Variants in KBTBD11 observed in about 807,000 individuals in gnomAD.
The protein encoded by KBTBD11 is kelch repeat and BTB domain containing 11.
For synonymous variants in KBTBD11, 747 were observed against 499.0 expected, an observed-to-expected ratio of 1.50 and a Z score of -6.63; for missense variants, 1,390 against 1,001.8, an observed-to-expected ratio of 1.39 and a Z score of -5.23.
At position 2,002,245 on chromosome 8, in the gene KBTBD11, C is replaced by A. The variant is rs986510300; in HGVS notation, c.1053C>A (p.Gly351=). ...TRLPEGAPAR[G]CGLCVLYNYL... ...TGCCCGAGGGCGCGCCGGCGCGGGG[C>A]TGCGGCCTGTGCGTCCTCTACAACT... The change falls in exon 2 of 2, where the codon GGC becomes GGA. Residue 351 remains glycine, a synonymous_variant. Coordinates refer to ENST00000320248, the MANE Select transcript of KBTBD11 (RefSeq NM_014867.3). This position sits in a 1 kb window ranked among gnomAD's most constrained non-coding sequence, Gnocchi z 4.1. The A allele has an allele frequency of 1.5e-6, 2 of 1,290,746 alleles. No individual in the cohort carries two copies. Among genetic ancestry groups the A allele is most frequent in the African/African-American group, 1.6e-5 (1 of 63,598 alleles). The allele number at this position is 1,290,746 out of a possible 1,614,324, so 80.0% of individuals were successfully genotyped here. A position where few individuals can be genotyped will look rare whatever the true frequency, so the allele number is the denominator to read the frequency against.
At chr8:1,984,245 C>T (rs1330985930) in intron 1 of KBTBD11, among the ~76,000 whole-genome samples, 1 of 149,306 alleles carries the variant, frequency 6.7e-6, no homozygotes, top group East Asian at 2.0e-4. Flanking sequence ...CGGGACCAGC[C>T]TGGGCAACAT....
intron 1 of KBTBD11, among the ~76,000 whole-genome samples, chr8:1,996,308 C>G (rs1216616236): frequency 6.6e-6 from 1 of 152,136 alleles, no homozygotes; most frequent in African/African-American, 2.4e-5. Context: ...CTCTTGTTGC[C>G]CAGGCTGGAG....
Position 2,002,290 on chromosome 8 carries a change from C to T in KBTBD11, c.1098C>T (p.Gly366=). The change falls in exon 2 of 2, where the codon GGC becomes GGT. Residue 366 remains glycine, a synonymous_variant. Coordinates refer to ENST00000320248, the MANE Select transcript of KBTBD11 (RefSeq NM_014867.3). This position sits in a 1 kb window ranked among gnomAD's most constrained non-coding sequence, Gnocchi z 4.1. ...VLYNYLFVAG[G]VAPAGPDGRA... is the part of the protein sequence containing the mutation. ...ACAACTACCTCTTCGTGGCGGGCGGCGTGGCGCCCGCGGGCCCCGACGGCC... is the reference window on the plus strand; with the variant it reads ...ACAACTACCTCTTCGTGGCGGGCGGTGTGGCGCCCGCGGGCCCCGACGGCC... 1 of 1,277,816 alleles carries T rather than the reference C, an allele frequency of 7.8e-7. No homozygotes were observed. Among genetic ancestry groups the T allele is most frequent in the Non-Finnish European group, 1.0e-6 (1 of 1,004,972 alleles). The allele number at this position is 1,277,816 out of a possible 1,614,324, so 79.2% of individuals were successfully genotyped here. A position where few individuals can be genotyped will look rare whatever the true frequency, so the allele number is the denominator to read the frequency against.
At chr8:1,974,121 A>AT (rs1816228259) in intron 1 of KBTBD11, among the ~76,000 whole-genome samples, 186 bp downstream of exon 1, 1 of 2,194 alleles carries the variant, frequency 4.6e-4, no homozygotes, top group East Asian at 0.014. Flanking sequence ...GAGGGAGGGG[A>AT]GCGGAGCGGA....
rs960099254 is a variant in KBTBD11, at chr8:2,006,933, A to G, written c.*3869A>G. On this transcript the variant is annotated 3_prime_UTR_variant, in exon 2 of 2. Coordinates refer to ENST00000320248, the MANE Select transcript of KBTBD11 (RefSeq NM_014867.3). ...TGAAATAAATCACGCAGAAAGTGCC[A>G]GTCCTCCTGATGTGCCCCGAGTGCT... 1 of 164,798 alleles carries G rather than the reference A, an allele frequency of 6.1e-6. No individual in the cohort carries two copies. The highest frequency in any genetic ancestry group is 6.5e-5 in the Admixed American group (1 of 15,294). The allele number at this position is 164,798 out of a possible 1,614,324, so 10.2% of individuals were successfully genotyped here.
chr8:1,973,702 C>G lies in KBTBD11; in HGVS notation c.-1142C>G. The G allele has an allele frequency of 1.0e-6, 1 of 983,828 alleles. No individual in the cohort carries two copies. Among genetic ancestry groups the G allele is most frequent in the Non-Finnish European group, 1.2e-6 (1 of 829,322 alleles). The allele number at this position is 983,828 out of a possible 1,614,324, so 60.9% of individuals were successfully genotyped here. A position where few individuals can be genotyped will look rare whatever the true frequency, so the allele number is the denominator to read the frequency against. ...GCGCCCCGCGCGCGCCCCTCGCAGC[C>G]TGGAGCCGGAGCGCTGGCTCCGCGC... On this transcript the variant is annotated 5_prime_UTR_variant, in exon 1 of 2. Coordinates refer to ENST00000320248, the MANE Select transcript of KBTBD11 (RefSeq NM_014867.3).
chr8:1,994,748 A>T (rs1485322514), intron 1 of KBTBD11, among the ~76,000 whole-genome samples: 2 of 152,064 alleles, frequency 1.3e-5, no homozygotes, highest in Non-Finnish European at 2.9e-5. Flanking sequence ...GTCTCTTAGG[A>T]TGCCCTTCAT....
intron 1 of KBTBD11, among the ~76,000 whole-genome samples, chr8:1,994,920 G>A (rs1016777259): frequency 1.9e-4 from 29 of 152,056 alleles, no homozygotes; most frequent in African/African-American, 5.6e-4. Context: ...CTAGCCAGGC[G>A]TGATGGTGGG....
chr8:1,995,678 T>C (rs1256425570), intron 1 of KBTBD11, among the ~76,000 whole-genome samples: 2 of 152,088 alleles, frequency 1.3e-5, no homozygotes, highest in Admixed American at 1.3e-4. Context: ...GAAATAACCT[T>C]GAAAAGCAAT....
chr8:2,002,144 G>A lies in KBTBD11; in HGVS notation c.952G>A (p.Asp318Asn). 8.5e-7 allele frequency: 1 copy of A among 1,172,826 alleles called. No individual in the cohort carries two copies. Among genetic ancestry groups the A allele is most frequent in the Non-Finnish European group, 1.0e-6 (1 of 953,126 alleles). The allele number at this position is 1,172,826 out of a possible 1,614,324, so 72.7% of individuals were successfully genotyped here. ...CAGCCGGCCTCAGAGCCCCTCGGGG[G>A]ACGCGGACGCGCGCGGGGACGCGGC... ...AGSRPQSPSG[D>N]ADARGDAAVY... Residue 318 changes from aspartate (D) to asparagine (N), a missense_variant, in exon 2 of 2, where the codon GAC becomes AAC. Transcript: ENST00000320248. This position sits in a 1 kb window ranked among gnomAD's most constrained non-coding sequence, Gnocchi z 4.1.
Position 2,001,375 on chromosome 8 carries a change from G to C in KBTBD11, c.183G>C (p.Ala61=), listed in dbSNP as rs1391701219. ...CCCTCGCCTCAGCGGCGGAAGGCGC[G>C]GCCACCTCCCCGCCCTCCAGCGGTG... ...PQSLASAAEG[A]ATSPPSSGGP... is the part of the protein sequence containing the mutation. The change falls in exon 2 of 2, where the codon GCG becomes GCC. Residue 61 remains alanine, a synonymous_variant. Transcript: ENST00000320248. 11 of 1,468,586 alleles carry C rather than the reference G, an allele frequency of 7.5e-6. 1 individual carries two copies. The South Asian group carries it at 1.4e-4, about 19-fold the overall frequency. 91.0% of individuals were successfully genotyped at this position (1,468,586 alleles called of 1,614,324 possible).
In KBTBD11 at chr8:2,006,891, G is replaced by A. The variant is rs1353045065; in HGVS notation, c.*3827G>A. ...AAATAGTGCAGAGCCTCGTATGTTTGTCAGTTCATGCCGAGATGAAATAAA... is the reference window on the plus strand; with the variant it reads ...AAATAGTGCAGAGCCTCGTATGTTTATCAGTTCATGCCGAGATGAAATAAA... On this transcript the variant is annotated 3_prime_UTR_variant, in exon 2 of 2. Transcript: ENST00000320248. The A allele has an allele frequency of 2.4e-5, 4 of 166,922 alleles. No homozygotes were observed. Among genetic ancestry groups the A allele is most frequent in the African/African-American group, 9.6e-5 (4 of 41,478 alleles). 10.3% of individuals were successfully genotyped at this position (166,922 alleles called of 1,614,324 possible). A position where few individuals can be genotyped will look rare whatever the true frequency, so the allele number is the denominator to read the frequency against.
intron 1 of KBTBD11, among the ~76,000 whole-genome samples, chr8:1,978,027 A>G (rs1359046687): frequency 6.6e-6 from 1 of 152,196 alleles, no homozygotes; most frequent in African/African-American, 2.4e-5. Context: ...TGCAGGGTAC[A>G]TGTGCGGGAG....
At position 2,001,188 on chromosome 8, in the gene KBTBD11, C is replaced by G; in HGVS notation, c.-5C>G. 5.2e-6 allele frequency: 7 copies of G among 1,344,396 alleles called. No homozygotes were observed. The highest frequency in any genetic ancestry group is 3.1e-5 in the East Asian group (1 of 32,422). The allele number at this position is 1,344,396 out of a possible 1,614,324, so 83.3% of individuals were successfully genotyped here. ...CGCGCGGGCGCAGCGCAGCACAGCC[C>G]GGCCATGGAGCACGCGGTGGCCCCC... On this transcript the variant is annotated 5_prime_UTR_variant, in exon 2 of 2. Coordinates refer to ENST00000320248, the MANE Select transcript of KBTBD11 (RefSeq NM_014867.3).
At position 2,003,263 on chromosome 8, in the gene KBTBD11, G is replaced by A; in HGVS notation, c.*199G>A. The A allele has an allele frequency of 1.2e-6, 1 of 810,662 alleles. No homozygotes were observed. Among genetic ancestry groups the A allele is most frequent in the Non-Finnish European group, 1.7e-6 (1 of 593,602 alleles). The allele number at this position is 810,662 out of a possible 1,614,324, so 50.2% of individuals were successfully genotyped here. ...TTGCTTGTCTTTGCTTCTGGGGGTG[G>A]ATGCCTTGAGACCCAGGAGGTGTGC... On this transcript the variant is annotated 3_prime_UTR_variant, in exon 2 of 2. Coordinates refer to ENST00000320248, the MANE Select transcript of KBTBD11 (RefSeq NM_014867.3).
intron 1 of KBTBD11, among the ~76,000 whole-genome samples, chr8:1,982,666 T>C (rs1439360424): frequency 6.6e-6 from 1 of 152,142 alleles, no homozygotes; most frequent in South Asian, 2.1e-4. Context: ...TCAGAAGCTT[T>C]GTACAATGCA....
rs887864029 is a variant in KBTBD11, at chr8:2,000,274, C to T, written c.-908-11C>T. 2 of 152,136 alleles carry T rather than the reference C, an allele frequency of 1.3e-5. No individual in the cohort carries two copies. The highest frequency in any genetic ancestry group is 4.8e-5 in the African/African-American group (2 of 41,432). 9.4% of individuals were successfully genotyped at this position (152,136 alleles called of 1,614,324 possible). A position where few individuals can be genotyped will look rare whatever the true frequency, so the allele number is the denominator to read the frequency against. On this transcript the variant is annotated splice_polypyrimidine_tract_variant and intron_variant, in intron 1 of 1. Coordinates refer to ENST00000320248, the MANE Select transcript of KBTBD11 (RefSeq NM_014867.3). ...ACGCACAAATATCCTCTCTTTTTGT[C>T]CTATAAACAGGAACAAGAGTGTGGT...
At chr8:1,990,398 G>A (rs544217176) in intron 1 of KBTBD11, among the ~76,000 whole-genome samples, 177 of 139,030 alleles carry the variant, frequency 1.3e-3, no homozygotes, top group African/African-American at 4.5e-3. Flanking sequence ...CGCCCTGTCC[G>A]GGTAGGTGCT....
intron 1 of KBTBD11, among the ~76,000 whole-genome samples, chr8:1,994,565 T>G (rs1817061441): frequency 6.6e-6 from 1 of 152,250 alleles, no homozygotes; most frequent in Non-Finnish European, 1.5e-5. Flanking sequence ...AAATGCATAT[T>G]GATGAAATCA....
Sources: gnomAD v4.1 joint callset for allele counts (sites outside exome capture counted in the v4.1 genomes callset) on GRCh38, gnomAD v4.1.1 for gene constraint, Gnocchi (gnomAD v3.1) non-coding constraint, MANE v1.5 for transcripts, NCBI Gene and HGNC (gene_info 2026-07-23, HGNC 2026-07-21) for gene names.